The following LRP2 variants were observed in gnomAD, a reference collection of about 807,000 sequenced individuals.
The protein encoded by LRP2 is low-density lipoprotein receptor-related protein 2.
In LRP2, 172 loss-of-function variants were observed where a neutral mutation model predicts 531.0. The observed-to-expected ratio is 0.32, with a 90% CI of 0.29 to 0.37. LRP2 has a LOEUF of 0.37. Among genes scored for constraint, LRP2 ranks in the 10% least tolerant of loss-of-function variants. LRP2 has a pLI of 1.00. For synonymous variants in LRP2, 1,992 were observed against 2,027.6 expected (o/e 0.98, Z 0.47); for missense variants, 5,167 against 5,868.3 (o/e 0.88, Z 3.90).
chr2:169,179,415 T>C lies in LRP2; in HGVS notation c.10170-1389A>G, dbSNP rs142812496. On this transcript the variant is annotated intron_variant, in intron 52 of 78. Coordinates refer to ENST00000649046, the MANE Select transcript of LRP2 (RefSeq NM_004525.3). ...AGATCTCAGATATCTCTATGAGTAC[T>C]TTTTGTCAAGAGTAGAACTACACAG... Among the ~76,000 whole-genome samples the C allele has an allele frequency of 4.1e-4, 63 of 152,320 alleles. 1 individual carries two copies. The highest frequency in any genetic ancestry group is 1.4e-3 in the African/African-American group (59 of 41,570).
In LRP2 at chr2:169,177,858, G is replaced by A. The variant is rs1257823353; in HGVS notation, c.10338C>T (p.Asn3446=). 5.0e-6 allele frequency: 8 copies of A among 1,614,098 alleles called. No individual in the cohort carries two copies. Among genetic ancestry groups the A allele is most frequent in the Admixed American group, 1.7e-5 (1 of 60,012 alleles). ...GGATGTCAAATGGTCTGTGTGTTGTGTTCACCAGTGTCTGTCTATTTGATC... is the reference window on the plus strand; with the variant it reads ...GGATGTCAAATGGTCTGTGTGTTGTATTCACCAGTGTCTGTCTATTTGATC... ...YDGSNRQTLV[N]TTHRPFDIHV... is the part of the protein sequence containing the mutation. The change falls in exon 53 of 79, where the codon AAC becomes AAT. Residue 3446 remains asparagine, a synonymous_variant. Transcript: ENST00000649046.
intron 16 of LRP2, among the ~76,000 whole-genome samples, chr2:169,267,157 C>T (rs968120487): frequency 1.4e-4 from 21 of 151,814 alleles, no homozygotes; most frequent in Non-Finnish European, 5.9e-5. Context: ...CCAAAAATAA[C>T]GTGTTTCTAA....
chr2:169,142,155 T>C (rs1685745448), intron 71 of LRP2, among the ~76,000 whole-genome samples: 1 of 152,190 alleles, frequency 6.6e-6, no homozygotes, highest in Non-Finnish European at 1.5e-5. Flanking sequence ...AAAAGAGTCA[T>C]TGAAAAAAAG....
At chr2:169,292,418 A>G (rs777343187) in intron 6 of LRP2, 49 bp from the exon 7 acceptor site, 12 of 1,190,476 alleles carry the variant, frequency 1.0e-5, no homozygotes, top group Non-Finnish European at 1.5e-5. Flanking sequence ...CACCGGGAAA[A>G]ACTGAAAGTG....
intron 19 of LRP2, among the ~76,000 whole-genome samples, chr2:169,254,741 C>T (rs1472001232): frequency 6.7e-6 from 1 of 149,094 alleles, no homozygotes; most frequent in Non-Finnish European, 1.5e-5. Context: ...AAATTTTTTT[C>T]ATACTGATGA....
At chr2:169,241,955 ACT>A (rs1689822950) in intron 24 of LRP2, among the ~76,000 whole-genome samples, 1 of 152,022 alleles carries the variant, frequency 6.6e-6, no homozygotes, top group Non-Finnish European at 1.5e-5. Flanking sequence ...GTAAACCAAA[ACT>A]CTCTACCAGG....
chr2:169,187,200 C>G (rs868053776), intron 49 of LRP2, among the ~76,000 whole-genome samples: 3 of 151,934 alleles, frequency 2.0e-5, no homozygotes, highest in Non-Finnish European at 2.9e-5. Context: ...ATAATCTCTT[C>G]TCCACATTTC....
At chr2:169,236,894 A>G (rs921063501) in intron 28 of LRP2, among the ~76,000 whole-genome samples, 1 of 152,224 alleles carries the variant, frequency 6.6e-6, no homozygotes, top group African/African-American at 2.4e-5. Flanking sequence ...AATAAAGTAA[A>G]CAATCAATTG....
intron 48 of LRP2, 24 bp downstream of exon 48, chr2:169,191,808 G>C: frequency 6.2e-7 from 1 of 1,608,600 alleles, no homozygotes; most frequent in Non-Finnish European, 8.5e-7. Context: ...GGCATGCTGG[G>C]TAACTTCTGA....
Position 169,291,944 on chromosome 2 carries a change from C to G in LRP2, c.769+309G>C, listed in dbSNP as rs934708513. ...TAGTTTTAAATCTATTTAAAACAGG[C>G]AGTCTTACAGGGAGAAAGTCAGACT... is the stretch of plus-strand genomic sequence containing the variant. On this transcript the variant is annotated intron_variant, in intron 7 of 78. Transcript: ENST00000649046. Among the ~76,000 whole-genome samples the G allele has an allele frequency of 3.3e-5, 5 of 152,176 alleles. No homozygotes were observed. The East Asian group carries it at 9.6e-4, about 29-fold the overall frequency.
intron 52 of LRP2, 149 bp downstream of exon 52, chr2:169,181,299 C>T: frequency 1.4e-6 from 1 of 709,070 alleles, no homozygotes; most frequent in Non-Finnish European, 2.5e-6. Context: ...TAGAGCTCAG[C>T]AGTTTTAGTT....
At chr2:169,164,217 G>A (rs553484727) in intron 62 of LRP2, among the ~76,000 whole-genome samples, 43 of 152,216 alleles carry the variant, frequency 2.8e-4, no homozygotes, top group African/African-American at 4.6e-4. Flanking sequence ...CCCCTGTTCC[G>A]CCAATACCTA....
At chr2:169,205,359 A>G in intron 41 of LRP2, 120 bp downstream of exon 41, 1 of 1,094,834 alleles carries the variant, frequency 9.1e-7, no homozygotes, top group East Asian at 2.4e-5. Context: ...CTGTGATTCT[A>G]TATTCTGGCA....
chr2:169,226,442 T>C lies in LRP2; in HGVS notation c.5374A>G (p.Ile1792Val). ...DVEFDDAEQY[I>V]YWVENPGEIH... ...CTTACTGGATTTTCAACCCAATAGA[T>C]GTATTGCTCAGCATCATCAAATTCA... Residue 1792 changes from isoleucine (I) to valine (V), a missense_variant, in exon 32 of 79, where the codon ATC becomes GTC. Ile to Val is a conservative substitution (Grantham distance 29). Transcript: ENST00000649046. 2.5e-6 allele frequency: 4 copies of C among 1,613,622 alleles called. No homozygotes were observed. Among genetic ancestry groups the C allele is most frequent in the Non-Finnish European group, 3.4e-6 (4 of 1,179,658 alleles).
intron 16 of LRP2, among the ~76,000 whole-genome samples, chr2:169,265,561 T>C (rs1414272573): frequency 2.0e-5 from 3 of 151,944 alleles, no homozygotes; most frequent in Non-Finnish European, 4.4e-5. Flanking sequence ...TCCATAGAAA[T>C]GGTACTCAGA....
chr2:169,318,308 A>G (rs560168801), intron 3 of LRP2, among the ~76,000 whole-genome samples: 2 of 152,120 alleles, frequency 1.3e-5, no homozygotes, highest in East Asian at 3.9e-4. Context: ...CAGTCACTGA[A>G]GTAACCACCA....
At chr2:169,300,172 T>C (rs1218038315) in intron 4 of LRP2, among the ~76,000 whole-genome samples, 1 of 152,048 alleles carries the variant, frequency 6.6e-6, no homozygotes, top group African/African-American at 2.4e-5. Flanking sequence ...TACTAAAGAA[T>C]GAAATAAAAT....
chr2:169,290,931 C>G lies in LRP2; in HGVS notation c.836G>C (p.Cys279Ser). Residue 279 changes from cysteine to serine, a missense_variant, in exon 8 of 79, where the codon TGC (cysteine) becomes TCC (serine). Transcript: ENST00000649046. ...REWSCPESGR[C>S]ISIYKVCDGI... ...ATCACAAACTTTATAAATGGAGATGCATCGTCCCGACTCTGGGCAAGACCA... is the reference window on the plus strand; with the variant it reads ...ATCACAAACTTTATAAATGGAGATGGATCGTCCCGACTCTGGGCAAGACCA... 6.2e-7 allele frequency: 1 copy of G among 1,614,100 alleles called. No individual in the cohort carries two copies. Among genetic ancestry groups the G allele is most frequent in the Non-Finnish European group, 8.5e-7 (1 of 1,179,990 alleles).
rs1574260628 is a variant in LRP2 at position 169,327,147 on chromosome 2, C to T, written c.80-6263G>A. On this transcript the variant is annotated intron_variant, in intron 1 of 78. Transcript: ENST00000649046. Reference sequence around the variant, plus strand: ...CGGGAGGGAGGTGGGGGGGTCAGCCCCCCGCCCGGCCAGCCGCCCCGTCCA... The same window carrying T: ...CGGGAGGGAGGTGGGGGGGTCAGCCTCCCGCCCGGCCAGCCGCCCCGTCCA... 4.9e-5 allele frequency among the ~76,000 whole-genome samples: 7 copies of T among 142,268 alleles called. No individual in the cohort carries two copies. In the South Asian group the frequency reaches 1.6e-3, roughly 33 times the overall value. 93.3% of individuals were successfully genotyped at this position (142,268 alleles called of 152,430 possible). A position where few individuals can be genotyped will look rare whatever the true frequency, so the allele number is the denominator to read the frequency against.
Sources: gnomAD v4.1 joint callset for allele counts (sites outside exome capture counted in the v4.1 genomes callset) on GRCh38, gnomAD v4.1.1 for gene constraint, MANE v1.5 for transcripts, NCBI Gene and HGNC (gene_info 2026-07-23, HGNC 2026-07-21) for gene names.